SAMD14: variants seen among roughly 807,000 people sequenced by gnomAD.
SAMD14 encodes sterile alpha motif domain-containing protein 14.
Under a neutral mutation model 46.2 loss-of-function variants are expected in SAMD14, and 27 were observed. That is an observed-to-expected ratio of 0.58 (90% CI 0.43 to 0.81). The LOEUF is 0.81. SAMD14 is among the 30% of genes least tolerant of loss of function. The pLI is 0.00. For missense variants in SAMD14, 559 were observed against 582.2 expected, an observed-to-expected ratio of 0.96 and a Z score of 0.41; for synonymous variants, 241 against 254.3, an observed-to-expected ratio of 0.95 and a Z score of 0.50.
Position 50,124,920 on chromosome 17 carries a change from A to G in SAMD14, c.40T>C (p.Phe14Leu), listed in dbSNP as rs149126505. Residue 14 changes from phenylalanine to leucine, a missense_variant, in exon 2 of 10, where the codon TTT becomes CTT. Transcript: ENST00000330175. ...SKLREPVDEV[F>L]DLDLAVPETA... is the part of the protein sequence containing the mutation. ...GATAGAGCCACACAGAACTTACCAA[A>G]AACTTCATCCACGGGTTCTCGGAGC... 1 of 1,613,950 alleles carries G rather than the reference A, an allele frequency of 6.2e-7. No individual in the cohort carries two copies. Among genetic ancestry groups the G allele is most frequent in the African/African-American group, 1.3e-5 (1 of 74,918 alleles).
intron 2 of SAMD14, 140 bp downstream of exon 2, chr17:50,124,777 A>C (rs111860063): frequency 2.2e-6 from 1 of 445,380 alleles, no homozygotes; most frequent in East Asian, 3.0e-5. Context: ...GCGCGCACAC[A>C]CACACACACA....
chr17:50,125,322 T>A (rs1331020238), intron 1 of SAMD14: 1 of 244,790 alleles, frequency 4.1e-6, no homozygotes, highest in Non-Finnish European at 8.1e-6. Flanking sequence ...ATCATTAGCA[T>A]CCCCTAAAAG....
chr17:50,116,052 G>C lies in SAMD14; in HGVS notation c.538C>G (p.Pro180Ala). ...RDASPPEPAS[P>A]TIGLDKKTRR... ...GTCTTCTTATCGAGGCCGATGGTGG[G>C]GCTGGCGGGCTCAGGAGGACTGGCG... The change falls in exon 5 of 10, where the codon CCC becomes GCC. Residue 180 changes from proline (P) to alanine (A), a missense_variant. Physicochemically the swap from Pro to Ala is conservative, Grantham distance 27. Coordinates refer to ENST00000330175, the MANE Select transcript of SAMD14 (RefSeq NM_001257359.2). 6.2e-7 allele frequency: 1 copy of C among 1,613,946 alleles called. No individual in the cohort carries two copies. Among genetic ancestry groups the C allele is most frequent in the East Asian group, 2.2e-5 (1 of 44,890 alleles).
At chr17:50,116,558 A>G (rs1164906481) in intron 4 of SAMD14, among the ~76,000 whole-genome samples, 4 of 151,994 alleles carry the variant, frequency 2.6e-5, no homozygotes, top group Admixed American at 2.6e-4. Flanking sequence ...GGCGCCCGCC[A>G]CCACACCCGG....
In SAMD14 at chr17:50,115,995, C is replaced by G; in HGVS notation, c.587+8G>C. 6.2e-7 allele frequency: 1 copy of G among 1,614,034 alleles called. No homozygotes were observed. Among genetic ancestry groups the G allele is most frequent in the South Asian group, 1.1e-5 (1 of 91,068 alleles). ...CAAGCCCTGCGATCTAGCCCCGCCT[C>G]CACTCACCCCAGGTCCAGGAACTTT... On this transcript the variant is annotated splice_region_variant and intron_variant, in intron 5 of 9. Transcript: ENST00000330175. The surrounding 1 kb of genome is among the most constrained non-coding windows in gnomAD (Gnocchi z 5.3).
intron 7 of SAMD14, chr17:50,114,575 C>A: frequency 3.8e-6 from 2 of 526,622 alleles, no homozygotes; most frequent in African/African-American, 2.8e-5. Context: ...GGCAAGGTGT[C>A]ACTTCCTACA....
chr17:50,120,872 GCCCC>G (rs1039610092), intron 2 of SAMD14, among the ~76,000 whole-genome samples: 1 of 151,846 alleles, frequency 6.6e-6, no homozygotes, highest in Non-Finnish European at 1.5e-5. Context: ...ATTTATAATA[GCCCC>G]CCCACTCCAA....
At chr17:50,119,416 G>A (rs1018734668) in intron 2 of SAMD14, among the ~76,000 whole-genome samples, 2 of 152,050 alleles carry the variant, frequency 1.3e-5, no homozygotes, top group Non-Finnish European at 2.9e-5. Context: ...GATCTCAGGG[G>A]CCCTATTCTG....
rs142644211 is a variant in SAMD14 at position 50,122,170 on chromosome 17, G to A, written c.43+2747C>T. Among the ~76,000 whole-genome samples, 176 of 152,222 alleles carry A rather than the reference G, an allele frequency of 1.2e-3. 2 individuals are homozygous for A. Among genetic ancestry groups the A allele is most frequent in the African/African-American group, 4.0e-3 (168 of 41,530 alleles). The stretch of plus-strand genomic sequence containing the variant: ...GGCTGATCAATTCTGACACAGCACC[G>A]TCTGACAGCCGCACCACACTACCAT... On this transcript the variant is annotated intron_variant, in intron 2 of 9. Transcript: ENST00000330175.
chr17:50,112,956 C>T lies in SAMD14; in HGVS notation c.1191G>A (p.Gln397=). 3 of 1,611,092 alleles carry T rather than the reference C, an allele frequency of 1.9e-6. No homozygotes were observed. Among genetic ancestry groups the T allele is most frequent in the Non-Finnish European group, 2.5e-6 (3 of 1,179,980 alleles). The change falls in exon 10 of 10, where the codon CAG becomes CAA. Residue 397 remains glutamine (Q), a synonymous_variant. Transcript: ENST00000330175. ...TCTCCCGCTGCCGCGCAGCCTTCTC[C>T]TGGGCCTTGCGCTCCTTCTCGGCAG... ...AAAAEKERKA[Q]EKAARQREKL...
intron 3 of SAMD14, 176 bp downstream of exon 3, chr17:50,117,985 C>T (rs1358066941): frequency 1.2e-5 from 9 of 767,382 alleles, no homozygotes; most frequent in Non-Finnish European, 1.4e-5. Flanking sequence ...ATAATATCTT[C>T]TTTACACAGG....
intron 1 of SAMD14, among the ~76,000 whole-genome samples, chr17:50,125,825 G>A (rs556321721): frequency 8.5e-5 from 13 of 152,280 alleles, no homozygotes; most frequent in East Asian, 5.8e-4. Context: ...AGGAGGGTAC[G>A]AGGAATACAC....
At chr17:50,113,365 T>C (rs1910976190) in intron 9 of SAMD14, 1 of 342,214 alleles carries the variant, frequency 2.9e-6, no homozygotes, top group Non-Finnish European at 5.4e-6. Flanking sequence ...GGGGAGTCAC[T>C]TGCCCAAGGT....
intron 2 of SAMD14, among the ~76,000 whole-genome samples, chr17:50,121,594 T>C (rs1223762495): frequency 6.6e-6 from 1 of 152,178 alleles, no homozygotes; most frequent in African/African-American, 2.4e-5. Context: ...CTGGGATTAC[T>C]GGTGTGGGCC....
rs749341713 is a variant in SAMD14, at chr17:50,117,453, G to A, written c.453C>T (p.Ser151=). 8.0e-6 allele frequency: 11 copies of A among 1,373,786 alleles called. No homozygotes were observed. Among genetic ancestry groups the A allele is most frequent in the African/African-American group, 6.0e-5 (4 of 66,272 alleles). The allele number at this position is 1,373,786 out of a possible 1,614,324, so 85.1% of individuals were successfully genotyped here. ...PPRSAPSSDS[S]PSFVRRHPRA... is the part of the protein sequence containing the mutation. ...GCGGGTGGCGGCGCACGAAGCTGGG[G>A]GAGCTGTCGGAGGAGGGCGCGGAGC... Residue 151 remains serine, a synonymous_variant, in exon 4 of 10, where the codon TCC becomes TCT. Coordinates refer to ENST00000330175, the MANE Select transcript of SAMD14 (RefSeq NM_001257359.2).
chr17:50,116,956 A>G (rs1911237797), intron 4 of SAMD14, among the ~76,000 whole-genome samples: 1 of 152,122 alleles, frequency 6.6e-6, no homozygotes, highest in Non-Finnish European at 1.5e-5. Context: ...CCCGGGTTCA[A>G]GCTATCCTCC....
chr17:50,125,265 T>C, intron 1 of SAMD14: 1 of 377,762 alleles, frequency 2.6e-6, no homozygotes, highest in Non-Finnish European at 4.9e-6. Flanking sequence ...CTGTGTGCCT[T>C]CACGTGGGTC....
At chr17:50,121,358 C>T (rs1911493803) in intron 2 of SAMD14, among the ~76,000 whole-genome samples, 1 of 151,920 alleles carries the variant, frequency 6.6e-6, no homozygotes, top group Non-Finnish European at 1.5e-5. Context: ...TGCTCTGCCA[C>T]CCAGGCTAGA....
At chr17:50,123,764 AC>A (rs1294377773) in intron 2 of SAMD14, among the ~76,000 whole-genome samples, 1 of 152,110 alleles carries the variant, frequency 6.6e-6, no homozygotes, top group Non-Finnish European at 1.5e-5. Flanking sequence ...AGCAGTGAGG[AC>A]GCAGCTACCT....
Sources: allele counts gnomAD v4.1 joint callset (sites outside exome capture counted in the v4.1 genomes callset), GRCh38; gene constraint gnomAD v4.1.1; non-coding constraint Gnocchi (gnomAD v3.1); transcripts MANE v1.5; gene names NCBI Gene and HGNC (gene_info 2026-07-23, HGNC 2026-07-21).